RNF150: variants seen among roughly 807,000 people sequenced by gnomAD.
RNF150 encodes ring finger protein 150.
In RNF150, 24 loss-of-function variants were observed where a neutral mutation model predicts 39.3. The observed-to-expected ratio is 0.61, with a 90% CI of 0.44 to 0.86. RNF150 has a LOEUF of 0.86. RNF150 is among the 40% of genes least tolerant of loss of function. The pLI is 0.00. For synonymous variants in RNF150, 255 were observed against 227.3 expected (o/e 1.12, Z -1.10); for missense variants, 502 against 587.8 (o/e 0.85, Z 1.51).
chr4:141,136,894 T>C (rs1007281997), upstream of RNF150, among the ~76,000 whole-genome samples: 4 of 152,200 alleles, frequency 2.6e-5, no homozygotes, highest in East Asian at 3.8e-4. Flanking sequence ...TCAGCTGCTT[T>C]GTGAGGTGAC....
At chr4:141,172,842 T>C (rs545382331) in intron 1 of RNF150, among the ~76,000 whole-genome samples, 73 of 152,128 alleles carry the variant, frequency 4.8e-4, no homozygotes, top group African/African-American at 1.7e-3. Context: ...CTGGCCAACA[T>C]AGTGAAACCC....
At chr4:141,041,999 C>T (rs1428262233) in intron 1 of RNF150, among the ~76,000 whole-genome samples, 2 of 151,958 alleles carry the variant, frequency 1.3e-5, no homozygotes, top group Non-Finnish European at 2.9e-5. Flanking sequence ...AATCACAGGT[C>T]TCACTGGGGC....
At chr4:140,899,020 CAG>C (rs1435793375) in intron 6 of RNF150, among the ~76,000 whole-genome samples, 9 of 152,174 alleles carry the variant, frequency 5.9e-5, no homozygotes, top group Non-Finnish European at 1.3e-4. Context: ...AGATACGAGA[CAG>C]TGTGTTAACT....
chr4:141,073,622 C>T (rs1737785541), intron 1 of RNF150, among the ~76,000 whole-genome samples: 1 of 151,724 alleles, frequency 6.6e-6, no homozygotes, highest in Non-Finnish European at 1.5e-5. Flanking sequence ...TGAATTGCTA[C>T]ACTGACCTAA....
At chr4:141,139,219 G>T (rs894203061) in intron 1 of RNF150, among the ~76,000 whole-genome samples, 1 of 152,098 alleles carries the variant, frequency 6.6e-6, no homozygotes, top group African/African-American at 2.4e-5. Context: ...ACCCTGTCTC[G>T]AAAAAATAAA....
At chr4:140,963,429 A>G (rs1733115996) in intron 2 of RNF150, among the ~76,000 whole-genome samples, 1 of 152,092 alleles carries the variant, frequency 6.6e-6, no homozygotes, top group Non-Finnish European at 1.5e-5. Flanking sequence ...TGGTGGCCAC[A>G]TGAAATATGG....
chr4:140,941,250 A>T (rs953509449), intron 4 of RNF150, among the ~76,000 whole-genome samples: 1 of 152,178 alleles, frequency 6.6e-6, no homozygotes, highest in Non-Finnish European at 1.5e-5. Flanking sequence ...AGAGAAATAC[A>T]GTTATTCCCA....
chr4:140,974,645 A>G (rs936254600), intron 1 of RNF150, among the ~76,000 whole-genome samples: 13 of 152,154 alleles, frequency 8.5e-5, no homozygotes, highest in African/African-American at 2.2e-4. Flanking sequence ...TCAGTTTCTT[A>G]GTATCCTGGT....
At chr4:141,136,905 T>C (rs1289383808), upstream of RNF150, among the ~76,000 whole-genome samples, 1 of 152,240 alleles carries the variant, frequency 6.6e-6, no homozygotes, top group Non-Finnish European at 1.5e-5. Flanking sequence ...GTGAGGTGAC[T>C]TTTGAACAGA....
intron 1 of RNF150, among the ~76,000 whole-genome samples, chr4:141,046,571 G>A (rs1736584227): frequency 6.6e-6 from 1 of 152,150 alleles, no homozygotes. Context: ...CATGGCGTAT[G>A]AGGAGTCCTT....
At position 140,991,942 on chromosome 4, in the gene RNF150, C is replaced by T. The variant is rs79568695; in HGVS notation, c.485-24069G>A. ...TCACTCAATAATTCTTAAAATAATA[C>T]AAAATGTCTTCTGAAAAGACATGCA... On this transcript the variant is annotated intron_variant, in intron 1 of 6. Transcript: ENST00000515673. 7.8e-3 allele frequency among the ~76,000 whole-genome samples: 1,181 copies of T among 152,098 alleles called. 7 individuals are homozygous for T. The highest frequency in any genetic ancestry group is 0.012 in the Non-Finnish European group (823 of 67,952).
chr4:140,918,986 C>A (rs913389931), intron 5 of RNF150, among the ~76,000 whole-genome samples: 1 of 152,030 alleles, frequency 6.6e-6, no homozygotes, highest in South Asian at 2.1e-4. Flanking sequence ...AATTCAACAA[C>A]CATTCATGCT....
intron 2 of RNF150, among the ~76,000 whole-genome samples, chr4:140,950,847 AT>A (rs897084560): frequency 1.3e-5 from 2 of 152,258 alleles, no homozygotes; most frequent in Non-Finnish European, 2.9e-5. Flanking sequence ...TAATGTTGAC[AT>A]TTTAATTAGA....
intron 1 of RNF150, among the ~76,000 whole-genome samples, chr4:140,996,682 T>C (rs905248170): frequency 6.6e-6 from 1 of 152,260 alleles, no homozygotes; most frequent in African/African-American, 2.4e-5. Flanking sequence ...TAAAAAATTT[T>C]GGTTTCTAGC....
intron 1 of RNF150, among the ~76,000 whole-genome samples, chr4:141,143,768 C>T: frequency 6.6e-6 from 1 of 152,016 alleles, no homozygotes. Context: ...TGGTTCCACT[C>T]TCTTCAGGGC....
chr4:141,099,278 G>A (rs929510339), intron 1 of RNF150, among the ~76,000 whole-genome samples: 8 of 152,074 alleles, frequency 5.3e-5, no homozygotes. Flanking sequence ...AACACATCTA[G>A]AGCTTCAGGA....
intron 1 of RNF150, among the ~76,000 whole-genome samples, chr4:141,177,000 G>A (rs924958763): frequency 6.9e-6 from 1 of 145,654 alleles, no homozygotes; most frequent in African/African-American, 2.5e-5. Flanking sequence ...AGAATTGCTT[G>A]AGGCCAAGAG....
intron 1 of RNF150, among the ~76,000 whole-genome samples, chr4:141,023,420 A>G (rs1379228628): frequency 2.7e-5 from 4 of 149,142 alleles, no homozygotes; most frequent in African/African-American, 9.9e-5. Context: ...TACTTTTCAT[A>G]TTTTTTTTTT....
chr4:141,062,348 T>C (rs1238186958), intron 1 of RNF150, among the ~76,000 whole-genome samples: 1 of 152,126 alleles, frequency 6.6e-6, no homozygotes, highest in Non-Finnish European at 1.5e-5. Context: ...TATATAGGTA[T>C]GTATATGTAT....
Sources: gnomAD v4.1 joint callset for allele counts (sites outside exome capture counted in the v4.1 genomes callset) on GRCh38, gnomAD v4.1.1 for gene constraint, MANE v1.5 for transcripts, NCBI Gene and HGNC (gene_info 2026-07-23, HGNC 2026-07-21) for gene names.